The following ATR variants were observed in gnomAD, a reference collection of about 807,000 sequenced individuals.
The protein encoded by ATR is serine/threonine-protein kinase ATR.
ATR carries 142 observed loss-of-function variants against 305.3 expected under a neutral mutation model. The ratio of observed to expected loss-of-function variants is 0.47; its 90% CI spans 0.41 to 0.53. The LOEUF (loss-of-function observed/expected upper bound fraction) is 0.53. Among genes scored for constraint, ATR ranks in the 20% least tolerant of loss-of-function variants. The pLI is 0.00. For missense variants in ATR, 2,135 were observed against 3,133.1 expected, an observed-to-expected ratio of 0.68 and a Z score of 7.60; for synonymous variants, 1,050 against 1,068.1, an observed-to-expected ratio of 0.98 and a Z score of 0.33.
intron 42 of ATR, 110 bp from the exon 43 acceptor site, chr3:142,459,493 T>C (rs1324471150): frequency 2.4e-6 from 3 of 1,264,606 alleles, no homozygotes; most frequent in African/African-American, 3.0e-5. Flanking sequence ...AAATTGTTAT[T>C]GAAAAACAAG....
chr3:142,459,325 T>G lies in ATR; in HGVS notation c.7251A>C (p.Leu2417Phe). Residue 2417 changes from leucine (L) to phenylalanine (F), a missense_variant, in exon 43 of 47, where the codon TTA becomes TTC. Coordinates refer to ENST00000350721, the MANE Select transcript of ATR (RefSeq NM_001184.4). Reference protein sequence around the residue: ...RQCMLPKSAALSEKLKVFREF... With the variant: ...RQCMLPKSAAFSEKLKVFREF... ...CTCGGAATACTTTGAGTTTTTCAGA[T>G]AAAGCTGCTGACTTTGGTAGCATAC... The G allele has an allele frequency of 1.2e-6, 2 of 1,614,028 alleles. No homozygotes were observed. Among genetic ancestry groups the G allele is most frequent in the Non-Finnish European group, 1.7e-6 (2 of 1,179,880 alleles).
chr3:142,461,635 C>G (rs2071024847), intron 42 of ATR, among the ~76,000 whole-genome samples: 1 of 152,002 alleles, frequency 6.6e-6, no homozygotes, highest in Non-Finnish European at 1.5e-5. Context: ...AAGACTAGTA[C>G]TGTATATACA....
At chr3:142,492,883 C>A (rs916041266) in intron 35 of ATR, among the ~76,000 whole-genome samples, 2 of 152,070 alleles carry the variant, frequency 1.3e-5, no homozygotes, top group South Asian at 4.2e-4. Flanking sequence ...AACTTTGAGA[C>A]AGAGGGTGAG....
intron 36 of ATR, among the ~76,000 whole-genome samples, chr3:142,470,939 T>TTTGGTAAATGTGGTAA (rs1401286800): frequency 6.6e-6 from 1 of 152,196 alleles, no homozygotes; most frequent in Non-Finnish European, 1.5e-5. Context: ...AAAACATACA[T>TTTGGTAAATGTGGTAA]AACATAAAAT....
At chr3:142,486,959 C>CAAAAAAAAAA (rs60024459) in intron 35 of ATR, among the ~76,000 whole-genome samples, 1,202 of 67,266 alleles carry the variant, frequency 0.018, no homozygotes, top group Non-Finnish European at 0.021. Context: ...ACTAAAAATA[C>CAAAAAAAAAA]AAAAAAAAAA....
chr3:142,499,842 CT>C, intron 30 of ATR, 124 bp from the exon 31 acceptor site: 1 of 791,026 alleles, frequency 1.3e-6, no homozygotes, highest in Non-Finnish European at 2.0e-6. Context: ...GTATTTTGTT[CT>C]TAGATATAAA....
At chr3:142,550,401 T>C (rs1046981526) in intron 13 of ATR, 99 bp from the exon 14 acceptor site, 1 of 1,270,602 alleles carries the variant, frequency 7.9e-7, no homozygotes, top group African/African-American at 1.5e-5. Flanking sequence ...AATAGTATTC[T>C]ACATTATCTG....
intron 44 of ATR, among the ~76,000 whole-genome samples, chr3:142,458,311 G>A (rs1216019299): frequency 6.6e-6 from 1 of 152,066 alleles, no homozygotes. Flanking sequence ...TTCCTCTCTT[G>A]TATGGTTTAA....
At chr3:142,454,843 T>C (rs543703505) in intron 45 of ATR, among the ~76,000 whole-genome samples, 1 of 152,342 alleles carries the variant, frequency 6.6e-6, no homozygotes, top group East Asian at 1.9e-4. Context: ...AGTCAAAGAC[T>C]GACTGCTCTA....
intron 22 of ATR, among the ~76,000 whole-genome samples, chr3:142,523,148 A>C (rs1175817170): frequency 6.6e-6 from 1 of 152,174 alleles, no homozygotes; most frequent in Non-Finnish European, 1.5e-5. Context: ...TAGGCCAGGC[A>C]TGGTGGCTAA....
chr3:142,515,149 G>A (rs1015522849), intron 25 of ATR, among the ~76,000 whole-genome samples: 4 of 151,888 alleles, frequency 2.6e-5, no homozygotes, highest in African/African-American at 9.7e-5. Flanking sequence ...AGGAATAAAT[G>A]TAATTTTACA....
At chr3:142,450,441 ACAT>A (rs1436025948) in intron 46 of ATR, 1 of 1,598,224 alleles carries the variant, frequency 6.3e-7, no homozygotes, top group Non-Finnish European at 8.5e-7. Flanking sequence ...CATTGAGACT[ACAT>A]CACCACAGAG....
At chr3:142,464,576 G>A (rs887188670) in intron 41 of ATR, among the ~76,000 whole-genome samples, 1 of 152,216 alleles carries the variant, frequency 6.6e-6, no homozygotes, top group African/African-American at 2.4e-5. Context: ...AACACATGCT[G>A]TAAAATGAAT....
intron 9 of ATR, 44 bp from the exon 10 acceptor site, chr3:142,556,183 T>C: frequency 1.2e-5 from 19 of 1,605,868 alleles, no homozygotes; most frequent in Non-Finnish European, 1.6e-5. Context: ...TTGCCTAATT[T>C]TGTGGTCTAA....
rs187871931 is a variant in ATR, at chr3:142,515,263, T to C, written c.4503+132A>G. 445 of 1,263,188 alleles carry C rather than the reference T, an allele frequency of 3.5e-4. No homozygotes were observed. The African/African-American group carries it at 5.8e-3, about 17-fold the overall frequency. 78.2% of individuals were successfully genotyped at this position (1,263,188 alleles called of 1,614,324 possible). The stretch of plus-strand genomic sequence containing the variant: ...AATTATTATTCTCTATTAGTTAACA[T>C]TTTCTTCAAAAATTTCTATGATTAT... On this transcript the variant is annotated intron_variant, in intron 25 of 46. Transcript: ENST00000350721.
At chr3:142,452,383 C>G (rs2070811427) in intron 46 of ATR, 4 of 986,678 alleles carry the variant, frequency 4.1e-6, no homozygotes, top group Non-Finnish European at 3.6e-6. Context: ...TTATTAAAAA[C>G]AACTATCTGA....
intron 16 of ATR, among the ~76,000 whole-genome samples, chr3:142,544,621 C>CA (rs71153972): frequency 0.049 from 4,081 of 83,472 alleles, 100 homozygotes; most frequent in Non-Finnish European, 0.063. Flanking sequence ...AAGAAAGGAG[C>CA]AAAAAAAAAA....
In ATR at chr3:142,522,354, C is replaced by G. The variant is rs867765997; in HGVS notation, c.4266+374G>C. Among the ~76,000 whole-genome samples, 6 of 152,190 alleles carry G rather than the reference C, an allele frequency of 3.9e-5. No homozygotes were observed. The Middle Eastern group carries it at 0.017, about 431-fold the overall frequency. On this transcript the variant is annotated intron_variant, in intron 23 of 46. Coordinates refer to ENST00000350721, the MANE Select transcript of ATR (RefSeq NM_001184.4). ...GAGATACTTGCTTTATTGTGGTGGT[C>G]TGGAACTGAACCCCTACTATCTCTG... is the stretch of plus-strand genomic sequence containing the variant.
intron 35 of ATR, among the ~76,000 whole-genome samples, chr3:142,486,945 C>A (rs562596796): frequency 7.5e-5 from 9 of 120,794 alleles, no homozygotes; most frequent in Non-Finnish European, 1.5e-4. Context: ...GAAACCTGGT[C>A]TCTACTAAAA....
Sources: allele counts gnomAD v4.1 joint callset (sites outside exome capture counted in the v4.1 genomes callset), GRCh38; gene constraint gnomAD v4.1.1; transcripts MANE v1.5; gene names NCBI Gene and HGNC (gene_info 2026-07-23, HGNC 2026-07-21).